The following ACP7 variants were observed in gnomAD, a reference collection of about 807,000 sequenced individuals.
The protein encoded by ACP7 is acid phosphatase type 7.
Under a neutral mutation model 60.6 loss-of-function variants are expected in ACP7, and 58 were observed. That is an observed-to-expected ratio of 0.96 (90% CI 0.77 to 1.19). The LOEUF is 1.19. Ranked by LOEUF, ACP7 falls within the 50% of genes most tolerant of loss-of-function variation. ACP7 has a pLI of 0.00. For missense variants in ACP7, 574 were observed against 596.2 expected, an observed-to-expected ratio of 0.96 and a Z score of 0.39; for synonymous variants, 237 against 232.6, an observed-to-expected ratio of 1.02 and a Z score of -0.17.
At chr19:39,088,743 GT>G (rs2073171836) in intron 2 of ACP7, among the ~76,000 whole-genome samples, 1 of 151,674 alleles carries the variant, frequency 6.6e-6, no homozygotes, top group African/African-American at 2.4e-5. Flanking sequence ...TTGTTTGTTT[GT>G]TTGTTTGTTT....
At chr19:39,103,759 T>G (rs1266800606) in intron 11 of ACP7, among the ~76,000 whole-genome samples, 1 of 152,030 alleles carries the variant, frequency 6.6e-6, no homozygotes, top group Non-Finnish European at 1.5e-5. Context: ...GCCCAAGAAG[T>G]CAAAGCTGCA....
Position 39,100,616 on chromosome 19 carries a change from G to A in ACP7, c.666G>A (p.Pro222=), listed in dbSNP as rs748296522. Reference sequence around the variant, plus strand: ...ACTACAAGGCTCGCTTCAGCATGCCGGGGGATAATGAGGGCCTGTGGTACA... The same window carrying A: ...ACTACAAGGCTCGCTTCAGCATGCCAGGGGATAATGAGGGCCTGTGGTACA... ...FSNYKARFSM[P]GDNEGLWYSW... Residue 222 remains proline, a synonymous_variant, in exon 6 of 13, where the codon CCG becomes CCA. Transcript: ENST00000331256. 2.5e-5 allele frequency: 40 copies of A among 1,613,834 alleles called. No individual in the cohort carries two copies. Among genetic ancestry groups the A allele is most frequent in the South Asian group, 3.3e-5 (3 of 91,076 alleles).
intron 2 of ACP7, among the ~76,000 whole-genome samples, chr19:39,086,124 G>C (rs528689553): frequency 6.6e-6 from 1 of 152,104 alleles, no homozygotes; most frequent in African/African-American, 2.4e-5. Flanking sequence ...ATGAGTTTGG[G>C]ACCAGCCTAG....
intron 2 of ACP7, among the ~76,000 whole-genome samples, chr19:39,091,593 C>T (rs2073205146): frequency 6.6e-6 from 1 of 152,132 alleles, no homozygotes; most frequent in South Asian, 2.1e-4. Flanking sequence ...GTACACGAAG[C>T]TGCATATTCA....
chr19:39,098,729 C>T (rs1427444004), intron 3 of ACP7, 71 bp downstream of exon 3: 4 of 1,488,656 alleles, frequency 2.7e-6, no homozygotes, highest in Non-Finnish European at 3.6e-6. Flanking sequence ...TAGAAGCTAC[C>T]ACTGGCCGGT....
intron 2 of ACP7, among the ~76,000 whole-genome samples, chr19:39,093,950 T>C (rs928167231): frequency 6.6e-6 from 1 of 152,186 alleles, no homozygotes; most frequent in Non-Finnish European, 1.5e-5. Context: ...TGGATGTTAT[T>C]GAGTCACTCT....
At chr19:39,094,362 G>T (rs760319035) in intron 2 of ACP7, among the ~76,000 whole-genome samples, 3 of 152,020 alleles carry the variant, frequency 2.0e-5, no homozygotes, top group Non-Finnish European at 4.4e-5. Context: ...AATTAGCCGG[G>T]CATGGTGGCA....
At chr19:39,109,981 G>A in intron 12 of ACP7, 72 bp from the exon 13 acceptor site, 1 of 1,497,120 alleles carries the variant, frequency 6.7e-7, no homozygotes, top group Non-Finnish European at 9.3e-7. Context: ...GAGGGGACTG[G>A]AACCCAGGCC....
At position 39,098,557 on chromosome 19, in the gene ACP7, C is replaced by T; in HGVS notation, c.221C>T (p.Ala74Val). The change falls in exon 3 of 13, where the codon GCC becomes GTC. Residue 74 changes from alanine to valine, a missense_variant. Coordinates refer to ENST00000331256, the MANE Select transcript of ACP7 (RefSeq NM_001004318.3). ...CCGTCGGGGCCCCTGCCCCTCCGCG[C>T]CCAGGGCACCTTCGTCCCCTTTGTG... ...LQPSGPLPLRAQGTFVPFVDG... is the reference protein window; with the variant it reads ...LQPSGPLPLRVQGTFVPFVDG... 5 of 1,613,380 alleles carry T rather than the reference C, an allele frequency of 3.1e-6. No individual in the cohort carries two copies. In the South Asian group the frequency reaches 5.5e-5, roughly 18 times the overall value.
At chr19:39,085,438 G>T (rs759446143) in intron 2 of ACP7, 48 bp downstream of exon 2, 1 of 1,548,008 alleles carries the variant, frequency 6.5e-7, no homozygotes, top group South Asian at 1.2e-5. Flanking sequence ...GAGGCCCAGC[G>T]GTGCTTCGTT....
chr19:39,099,041 G>A lies in ACP7; in HGVS notation c.404G>A (p.Arg135His), dbSNP rs1199368105. The change falls in exon 4 of 13, where the codon CGT becomes CAT. Residue 135 changes from arginine to histidine, a missense_variant. By Grantham distance (29) the Arg-to-His change is conservative (BLOSUM62 0). Transcript: ENST00000331256. ...AAGAATGGGGCCCACTGGAGTCCCC[G>A]TCTGGCTGTGTTTGGAGACCTGGGG... is the stretch of plus-strand genomic sequence containing the variant. ...ALKNGAHWSP[R>H]LAVFGDLGAD... The A allele has an allele frequency of 2.5e-6, 4 of 1,612,818 alleles. No homozygotes were observed. The highest frequency in any genetic ancestry group is 1.1e-5 in the South Asian group (1 of 90,984).
rs2073325421 is a variant in ACP7 at position 39,100,374 on chromosome 19, TGG to T, written c.629+26_629+27del. 2.5e-6 allele frequency: 4 copies of T among 1,612,670 alleles called. No homozygotes were observed. In the South Asian group the frequency reaches 4.4e-5, roughly 18 times the overall value. On this transcript the variant is annotated intron_variant, in intron 5 of 12. Coordinates refer to ENST00000331256, the MANE Select transcript of ACP7 (RefSeq NM_001004318.3). ...TAGTGAGGACTGAGGGTGGTGGCGG[TGG>T]GCGAGGGCTGGATCAATGGAAATGG...
chr19:39,103,208 T>G (rs563381179), intron 11 of ACP7, among the ~76,000 whole-genome samples: 1 of 152,188 alleles, frequency 6.6e-6, no homozygotes, highest in Non-Finnish European at 1.5e-5. Context: ...GAGATCCTCT[T>G]GCAAGGCTGA....
intron 2 of ACP7, among the ~76,000 whole-genome samples, chr19:39,095,223 A>G (rs984481590): frequency 7.9e-5 from 12 of 152,194 alleles, no homozygotes; most frequent in African/African-American, 2.7e-4. Context: ...CCAAAGTCTC[A>G]TCTGAGGCAA....
At chr19:39,106,546 GAC>G (rs2145040655) in intron 11 of ACP7, among the ~76,000 whole-genome samples, 1 of 152,202 alleles carries the variant, frequency 6.6e-6, no homozygotes, top group South Asian at 2.1e-4. Context: ...TTTTGTTTGA[GAC>G]AGTGTCACTC....
At position 39,101,054 on chromosome 19, in the gene ACP7, A is replaced by C. The variant is rs940626674; in HGVS notation, c.913A>C (p.Lys305Gln). 1.9e-6 allele frequency: 3 copies of C among 1,613,906 alleles called. No homozygotes were observed. The highest frequency in any genetic ancestry group is 2.5e-6 in the Non-Finnish European group (3 of 1,180,036). ...DLDDCTRHES[K>Q]VRKGLQGKLY... ...GGACGACTGCACACGACATGAAAGC[A>C]AGGTGAGGTCCCTCCCTGGGAGACA... Residue 305 changes from lysine to glutamine, a missense_variant and splice_region_variant, in exon 8 of 13, where the codon AAG (lysine) becomes CAG (glutamine). Lys to Gln is a moderately conservative substitution (Grantham distance 53). Transcript: ENST00000331256.
chr19:39,102,753 TTCTTTCTTTCTTTC>T (rs750550056), intron 11 of ACP7, among the ~76,000 whole-genome samples: 1,561 of 86,868 alleles, frequency 0.018, 13 homozygotes, highest in African/African-American at 0.029. Context: ...CTTTCTTTCT[TTCTTTCTTTCTTTC>T]TCTCTCTCTC....
At chr19:39,095,516 A>C (rs565559568) in intron 2 of ACP7, among the ~76,000 whole-genome samples, 13 of 152,330 alleles carry the variant, frequency 8.5e-5, no homozygotes, top group African/African-American at 3.1e-4. Context: ...GTGGCTTTGC[A>C]GGGTATAGCC....
chr19:39,099,227 G>A, intron 4 of ACP7, 85 bp downstream of exon 4: 1 of 1,344,038 alleles, frequency 7.4e-7, no homozygotes, highest in Non-Finnish European at 9.5e-7. Flanking sequence ...GGGCGCGCGG[G>A]TCGGGGGCGG....
Sources: allele counts gnomAD v4.1 joint callset (sites outside exome capture counted in the v4.1 genomes callset), GRCh38; gene constraint gnomAD v4.1.1; transcripts MANE v1.5; gene names NCBI Gene and HGNC (gene_info 2026-07-23, HGNC 2026-07-21).